Variants in SLC37A1 observed in about 807,000 individuals in gnomAD.
The protein encoded by SLC37A1 is glucose-6-phosphate exchanger SLC37A1.
Under a neutral mutation model 75.3 loss-of-function variants are expected in SLC37A1, and 49 were observed. That is an observed-to-expected ratio of 0.65 (90% CI 0.52 to 0.83). The LOEUF (loss-of-function observed/expected upper bound fraction) is 0.83, where lower values mean the gene tolerates loss of function less well. Among genes scored for constraint, SLC37A1 ranks in the 40% least tolerant of loss-of-function variants. The pLI is 0.00. For synonymous variants in SLC37A1, 268 were observed against 292.1 expected (o/e 0.92, Z 0.84); for missense variants, 566 against 695.0 (o/e 0.81, Z 2.09).
At position 42,545,076 on chromosome 21, in the gene SLC37A1, A is replaced by G. The variant is rs1176234952; in HGVS notation, c.730+1474A>G. Among the ~76,000 whole-genome samples, 1 of 152,158 alleles carries G rather than the reference A, an allele frequency of 6.6e-6. No homozygotes were observed. Among genetic ancestry groups the G allele is most frequent in the Non-Finnish European group, 1.5e-5 (1 of 68,028 alleles). On this transcript the variant is annotated intron_variant, in intron 8 of 19. Coordinates refer to ENST00000352133, the MANE Select transcript of SLC37A1 (RefSeq NM_001320537.2). The surrounding 1 kb of genome is among the most constrained non-coding windows in gnomAD (Gnocchi z 4.0). The stretch of plus-strand genomic sequence containing the variant: ...GCCCTATGTTGATGTTTGTCTCTGT[A>G]AGCAGAGAGAGCTCAGCTCTTGTGA...
intron 8 of SLC37A1, among the ~76,000 whole-genome samples, chr21:42,544,649 C>G (rs2055362170): frequency 6.6e-6 from 1 of 152,228 alleles, no homozygotes; most frequent in East Asian, 1.9e-4. Flanking sequence ...AGCCTTCGGC[C>G]ACACCCCAAA....
chr21:42,515,022 CT>C (rs1211172563), intron 1 of SLC37A1: 2 of 152,366 alleles, frequency 1.3e-5, no homozygotes, highest in African/African-American at 4.8e-5. Context: ...GGCCCCAGAC[CT>C]GTGATTCACC....
chr21:42,539,770 T>C, intron 6 of SLC37A1, 123 bp downstream of exon 6: 1 of 972,538 alleles, frequency 1.0e-6, no homozygotes, highest in Non-Finnish European at 1.5e-6. Flanking sequence ...CTGTCGGAAG[T>C]CAGGGTCAGC....
Position 42,568,450 on chromosome 21 carries a change from G to C in SLC37A1, c.1423+12G>C, listed in dbSNP as rs1386024874. On this transcript the variant is annotated intron_variant, in intron 17 of 19. Transcript: ENST00000352133. ...GACGGGCTCTGTAGGTGCGCAGAGAGTTTTAGCTCTGGGAGGTTTGGTGTC... is the reference window on the plus strand; with the variant it reads ...GACGGGCTCTGTAGGTGCGCAGAGACTTTTAGCTCTGGGAGGTTTGGTGTC... 4 of 1,612,780 alleles carry C rather than the reference G, an allele frequency of 2.5e-6. No individual in the cohort carries two copies. Among genetic ancestry groups the C allele is most frequent in the Non-Finnish European group, 3.4e-6 (4 of 1,179,380 alleles).
chr21:42,567,367 CAG>C (rs779556206), intron 16 of SLC37A1, among the ~76,000 whole-genome samples: 3 of 152,170 alleles, frequency 2.0e-5, no homozygotes, highest in Admixed American at 6.5e-5. Context: ...GACGCCTCTG[CAG>C]AGAGAGAGGG....
At chr21:42,570,129 A>AGAAAGCCACACTT (rs1385026233) in intron 17 of SLC37A1, among the ~76,000 whole-genome samples, 2 of 67,344 alleles carry the variant, frequency 3.0e-5, no homozygotes, top group Non-Finnish European at 7.6e-5. Context: ...GGCTGTTGCC[A>AGAAAGCCACACTT]TGTGACACAC....
intron 6 of SLC37A1, 87 bp downstream of exon 6, chr21:42,539,734 G>T (rs1489377608): frequency 7.9e-6 from 11 of 1,384,832 alleles, no homozygotes; most frequent in Non-Finnish European, 1.1e-5. Flanking sequence ...CTCTGTCAAG[G>T]TGTTGGGAAG....
intron 2 of SLC37A1, among the ~76,000 whole-genome samples, chr21:42,518,986 T>A (rs57935695): frequency 2.6e-5 from 4 of 152,190 alleles, no homozygotes; most frequent in African/African-American, 9.7e-5. Context: ...CTGAGAATCC[T>A]TCTCTTAGGT....
intron 2 of SLC37A1, among the ~76,000 whole-genome samples, chr21:42,504,347 G>T (rs1182114965): frequency 6.6e-6 from 1 of 152,116 alleles, no homozygotes; most frequent in Non-Finnish European, 1.5e-5. Flanking sequence ...ACTCTCCGGA[G>T]TGAAGAGGCA....
intron 9 of SLC37A1, among the ~76,000 whole-genome samples, chr21:42,550,991 T>C (rs1218870678): frequency 2.0e-5 from 3 of 152,244 alleles, no homozygotes; most frequent in African/African-American, 7.2e-5. Flanking sequence ...GACCAGGTGC[T>C]TTCCGCCTGA....
intron 3 of SLC37A1, among the ~76,000 whole-genome samples, chr21:42,527,041 T>C (rs1160842412): frequency 6.6e-6 from 1 of 152,210 alleles, no homozygotes; most frequent in African/African-American, 2.4e-5. Context: ...AGAGACTTGG[T>C]GAGCGTGTTG....
chr21:42,551,107 A>G (rs2055546107), intron 9 of SLC37A1, among the ~76,000 whole-genome samples: 2 of 152,270 alleles, frequency 1.3e-5, no homozygotes, highest in Non-Finnish European at 2.9e-5. Context: ...TGCAGATTAG[A>G]CAAGAAGTAA....
chr21:42,533,119 G>C (rs1241713673), intron 3 of SLC37A1, among the ~76,000 whole-genome samples: 1 of 152,204 alleles, frequency 6.6e-6, no homozygotes, highest in Non-Finnish European at 1.5e-5. Flanking sequence ...ACTTCCGGCT[G>C]CTGCCTGCCT....
chr21:42,557,044 G>A lies in SLC37A1; in HGVS notation c.850-1914G>A, dbSNP rs556554687. Among the ~76,000 whole-genome samples the A allele has an allele frequency of 3.9e-5, 6 of 152,380 alleles. No homozygotes were observed. The South Asian group carries it at 6.2e-4, about 16-fold the overall frequency. On this transcript the variant is annotated intron_variant, in intron 10 of 19. Coordinates refer to ENST00000352133, the MANE Select transcript of SLC37A1 (RefSeq NM_001320537.2). Reference sequence around the variant, plus strand: ...GCACTTTACAAATCCTGCAAGGGCCGTGGGCGGCCTTTGGGCATCTGGGTC... The same window carrying A: ...GCACTTTACAAATCCTGCAAGGGCCATGGGCGGCCTTTGGGCATCTGGGTC...
intron 17 of SLC37A1, 125 bp from the exon 18 acceptor site, chr21:42,574,693 A>C: frequency 3.7e-6 from 3 of 809,588 alleles, no homozygotes; most frequent in Non-Finnish European, 5.9e-6. Flanking sequence ...AGGATGAGGT[A>C]GTGTAGTTCC....
rs2054483736 is a variant in SLC37A1, at chr21:42,514,474, G to C, written c.-422G>C. The stretch of plus-strand genomic sequence containing the variant: ...TGCCCGCGGAATTCACCTCCTCCGG[G>C]GACCAGCCGCCCAGGGAGGAGCCGG... On this transcript the variant is annotated 5_prime_UTR_variant, in exon 1 of 20. Transcript: ENST00000352133. This position sits in a 1 kb window ranked among gnomAD's most constrained non-coding sequence, Gnocchi z 4.8. 1 of 152,280 alleles carries C rather than the reference G, an allele frequency of 6.6e-6. No homozygotes were observed. The highest frequency in any genetic ancestry group is 1.5e-5 in the Non-Finnish European group (1 of 68,086). The allele number at this position is 152,280 out of a possible 1,614,324, so 9.4% of individuals were successfully genotyped here.
chr21:42,559,189 T>C (rs1049009342), intron 11 of SLC37A1, 100 bp downstream of exon 11: 20 of 1,449,810 alleles, frequency 1.4e-5, no homozygotes, highest in Non-Finnish European at 1.8e-5. Context: ...CATCTGTGGT[T>C]GTAGAACCCG....
At position 42,574,987 on chromosome 21, in the gene SLC37A1, A is replaced by T; in HGVS notation, c.1521+72A>T. 15 of 1,595,212 alleles carry T rather than the reference A, an allele frequency of 9.4e-6. No individual in the cohort carries two copies. In the South Asian group the frequency reaches 1.6e-4, roughly 17 times the overall value. On this transcript the variant is annotated intron_variant, in intron 18 of 19. Transcript: ENST00000352133. Reference sequence around the variant, plus strand: ...TGTGGTTGTGTCCAAACACTGGTGGAACTTTCTCCCATGCATTCCTGAGTT... The same window carrying T: ...TGTGGTTGTGTCCAAACACTGGTGGTACTTTCTCCCATGCATTCCTGAGTT...
intron 2 of SLC37A1, among the ~76,000 whole-genome samples, 174 bp from the exon 3 acceptor site, chr21:42,525,602 C>T (rs949569226): frequency 3.2e-4 from 48 of 152,166 alleles, no homozygotes; most frequent in African/African-American, 1.1e-3. Context: ...ACAAAGCAAA[C>T]GTGGCAATAT....
Sources: allele counts gnomAD v4.1 joint callset (sites outside exome capture counted in the v4.1 genomes callset), GRCh38; gene constraint gnomAD v4.1.1; non-coding constraint Gnocchi (gnomAD v3.1); transcripts MANE v1.5; gene names NCBI Gene and HGNC (gene_info 2026-07-23, HGNC 2026-07-21).